NPNT: variants seen among roughly 807,000 people sequenced by gnomAD.
The protein encoded by NPNT is preosteoblast EGF-like repeat protein with MAM domain.
A neutral mutation model predicts 68.6 loss-of-function variants in NPNT; 45 were observed. That is an observed-to-expected ratio of 0.66 (90% confidence interval 0.52 to 0.84). The LOEUF (loss-of-function observed/expected upper bound fraction) is 0.84, where lower values mean the gene tolerates loss of function less well. Ranked by LOEUF, NPNT falls within the 40% of genes least tolerant of loss-of-function variation. The pLI is 0.00. For synonymous variants in NPNT, 233 were observed against 253.3 expected, an observed-to-expected ratio of 0.92 and a Z score of 0.76; for missense variants, 672 against 714.8, an observed-to-expected ratio of 0.94 and a Z score of 0.68.
At chr4:105,944,175 T>G (rs1430784810) in intron 8 of NPNT, among the ~76,000 whole-genome samples, 1 of 152,190 alleles carries the variant, frequency 6.6e-6, no homozygotes, top group East Asian at 1.9e-4. Context: ...TCTCAAAATA[T>G]ACATTTTATA....
intron 2 of NPNT, chr4:105,911,504 C>G (rs1318168364): frequency 6.6e-6 from 1 of 152,136 alleles, no homozygotes; most frequent in East Asian, 1.9e-4. Flanking sequence ...CTAGGTTGAT[C>G]AAACACTGAC....
chr4:105,920,064 C>G (rs1728132018), intron 2 of NPNT, among the ~76,000 whole-genome samples: 1 of 151,992 alleles, frequency 6.6e-6, no homozygotes, highest in African/African-American at 2.4e-5. Flanking sequence ...TAAAGAGGAG[C>G]TCAGTCTTCT....
intron 3 of NPNT, chr4:105,932,754 C>G: frequency 8.2e-7 from 1 of 1,212,838 alleles, no homozygotes. Context: ...GCATGGCTTC[C>G]TGCAGTTATG....
At chr4:105,912,227 G>A (rs1181469161) in intron 2 of NPNT, 1 of 1,533,348 alleles carries the variant, frequency 6.5e-7, no homozygotes, top group South Asian at 1.2e-5. Flanking sequence ...AGGATAAGGT[G>A]CCAGCTCAAA....
intron 4 of NPNT, 105 bp downstream of exon 4, chr4:105,937,233 G>C: frequency 8.9e-7 from 1 of 1,118,128 alleles, no homozygotes; most frequent in Non-Finnish European, 1.3e-6. Flanking sequence ...TCCTAAACAA[G>C]ATGTGTGCGT....
intron 8 of NPNT, among the ~76,000 whole-genome samples, chr4:105,957,139 C>T (rs915976864): frequency 2.0e-5 from 3 of 152,142 alleles, no homozygotes; most frequent in African/African-American, 7.2e-5. Context: ...TATTCCTTGG[C>T]CTTTGACCAA....
chr4:105,965,233 A>G (rs970025945), intron 10 of NPNT, among the ~76,000 whole-genome samples: 1 of 152,180 alleles, frequency 6.6e-6, no homozygotes, highest in African/African-American at 2.4e-5. Flanking sequence ...ATTTATCACC[A>G]GAATTATGAA....
At chr4:105,922,910 C>A (rs1728364267) in intron 2 of NPNT, among the ~76,000 whole-genome samples, 1 of 152,124 alleles carries the variant, frequency 6.6e-6, no homozygotes, top group African/African-American at 2.4e-5. Context: ...TATTAAGTTG[C>A]TAAACCATAT....
intron 2 of NPNT, among the ~76,000 whole-genome samples, chr4:105,905,617 G>A (rs1726826446): frequency 6.6e-6 from 1 of 151,936 alleles, no homozygotes; most frequent in African/African-American, 2.4e-5. Context: ...TATACAGTAT[G>A]CCATTACATG....
chr4:105,912,127 A>C, intron 2 of NPNT: 1 of 1,182,570 alleles, frequency 8.5e-7, no homozygotes, highest in Non-Finnish European at 1.2e-6. Flanking sequence ...TAAATACCCA[A>C]GTCCAGCCTC....
At chr4:105,926,653 A>T (rs1235197597) in intron 2 of NPNT, among the ~76,000 whole-genome samples, 4 of 152,228 alleles carry the variant, frequency 2.6e-5, no homozygotes, top group African/African-American at 9.6e-5. Context: ...ACAGAATTTT[A>T]AAGTCTTGAG....
At chr4:105,967,745 T>C (rs1732287452) in intron 11 of NPNT, among the ~76,000 whole-genome samples, 1 of 152,086 alleles carries the variant, frequency 6.6e-6, no homozygotes, top group South Asian at 2.1e-4. Flanking sequence ...TTAAAGTTGA[T>C]CAACAGAAAC....
Position 105,938,404 on chromosome 4 carries a change from T to G in NPNT, c.489T>G (p.Asp163Glu), listed in dbSNP as rs979976283. 6.2e-7 allele frequency: 1 copy of G among 1,613,524 alleles called. No homozygotes were observed. The highest frequency in any genetic ancestry group is 8.5e-7 in the Non-Finnish European group (1 of 1,179,666). Residue 163 changes from aspartate to glutamate, a missense_variant, in exon 5 of 12, where the codon GAT (aspartate) becomes GAG (glutamate). By Grantham distance (45) the Asp-to-Glu change is conservative. Coordinates refer to ENST00000379987, the MANE Select transcript of NPNT (RefSeq NM_001033047.3). Reference protein sequence around the residue: ...CPSPGLQLAPDGRTCVDVDEC... With the variant: ...CPSPGLQLAPEGRTCVDVDEC... ...CCCCTGGCCTGCAGCTGGCTCCTGA[T>G]GGGAGGACCTGTGTAGGTGAGTTGT... is the stretch of plus-strand genomic sequence containing the variant.
At position 105,968,984 on chromosome 4, in the gene NPNT, A is replaced by G; in HGVS notation, c.1692A>G (p.Glu564=). Reference sequence around the variant, plus strand: ...TGAAAAAAGGCCACTGCTCTGAAGAACGCTAACAACTCCAGAACTAACAAT... The same window carrying G: ...TGAAAAAAGGCCACTGCTCTGAAGAGCGCTAACAACTCCAGAACTAACAAT... ...VSLKKGHCSE[E]R The change falls in exon 12 of 12, where the codon GAA becomes GAG. Residue 564 remains glutamate, a synonymous_variant. Transcript: ENST00000379987. 6.3e-7 allele frequency: 1 copy of G among 1,594,144 alleles called. No homozygotes were observed.
At chr4:105,967,822 A>C (rs1266167945) in intron 11 of NPNT, among the ~76,000 whole-genome samples, 2 of 152,094 alleles carry the variant, frequency 1.3e-5, no homozygotes, top group East Asian at 3.9e-4. Context: ...CTTAGATTTC[A>C]AACTTTTACT....
At position 105,970,090 on chromosome 4, in the gene NPNT, A is replaced by G. The variant is rs753924884; in HGVS notation, c.*1100A>G. 4 of 279,022 alleles carry G rather than the reference A, an allele frequency of 1.4e-5. No homozygotes were observed. Among genetic ancestry groups the G allele is most frequent in the Admixed American group, 9.7e-5 (2 of 20,626 alleles). The allele number at this position is 279,022 out of a possible 1,614,324, so 17.3% of individuals were successfully genotyped here. A position where few individuals can be genotyped will look rare whatever the true frequency, so the allele number is the denominator to read the frequency against. Reference sequence around the variant, plus strand: ...TTTTCACACAACGTTTTAAATTGATATAAGTTTAGGCAGTTGTAGTTCATA... The same window carrying G: ...TTTTCACACAACGTTTTAAATTGATGTAAGTTTAGGCAGTTGTAGTTCATA... On this transcript the variant is annotated 3_prime_UTR_variant, in exon 12 of 12. Transcript: ENST00000379987.
intron 2 of NPNT, among the ~76,000 whole-genome samples, chr4:105,901,098 T>C (rs1040798037): frequency 6.6e-6 from 1 of 152,176 alleles, no homozygotes; most frequent in Non-Finnish European, 1.5e-5. Flanking sequence ...TTTTTTGTCA[T>C]TTTGATGGCA....
Position 105,927,479 on chromosome 4 carries a change from C to T in NPNT, c.265+51C>T, listed in dbSNP as rs193139012. ...CACAATCGAAGACACCTCTATCACT[C>T]CCAAATTAAAAATATTCTTATCTCA... is the stretch of plus-strand genomic sequence containing the variant. On this transcript the variant is annotated intron_variant, in intron 3 of 11. Transcript: ENST00000379987. The T allele has an allele frequency of 6.0e-4, 647 of 1,077,146 alleles. 8 individuals carry two copies. The East Asian group carries it at 0.015, about 24-fold the overall frequency. The allele number at this position is 1,077,146 out of a possible 1,614,324, so 66.7% of individuals were successfully genotyped here.
chr4:105,962,895 A>G (rs953242756), intron 10 of NPNT, among the ~76,000 whole-genome samples: 1 of 150,784 alleles, frequency 6.6e-6, no homozygotes, highest in African/African-American at 2.4e-5. Context: ...ATGTATGTGT[A>G]TGTGTGTGTG....
Sources: allele counts gnomAD v4.1 joint callset (sites outside exome capture counted in the v4.1 genomes callset), GRCh38; gene constraint gnomAD v4.1.1; transcripts MANE v1.5; gene names NCBI Gene and HGNC (gene_info 2026-07-23, HGNC 2026-07-21).